Variants in MECR observed in about 807,000 individuals in gnomAD.
The protein encoded by MECR is enoyl-[acyl-carrier-protein] reductase, mitochondrial.
Under a neutral mutation model 49.1 loss-of-function variants are expected in MECR, and 37 were observed. The observed-to-expected ratio is 0.75, with a 90% CI of 0.58 to 0.99. The LOEUF (loss-of-function observed/expected upper bound fraction) is 0.99. Among genes scored for constraint, MECR ranks in the 50% least tolerant of loss-of-function variants. MECR has a pLI of 0.00. For synonymous variants in MECR, 198 were observed against 191.1 expected (o/e 1.04, Z -0.30); for missense variants, 470 against 479.6 (o/e 0.98, Z 0.19).
chr1:29,228,714 C>T (rs1031116886), intron 1 of MECR, among the ~76,000 whole-genome samples: 1 of 152,028 alleles, frequency 6.6e-6, no homozygotes, highest in Non-Finnish European at 1.5e-5. Context: ...GCAAACAGAC[C>T]GGTCTGTTCC....
chr1:29,218,849 A>G (rs1459851532), intron 1 of MECR, among the ~76,000 whole-genome samples: 1 of 152,212 alleles, frequency 6.6e-6, no homozygotes, highest in African/African-American at 2.4e-5. Flanking sequence ...AGTGCTTACC[A>G]GTCAGGCACA....
the MECR span, among the ~76,000 whole-genome samples, chr1:29,176,390 G>A: frequency 6.6e-6 from 1 of 152,024 alleles, no homozygotes; most frequent in Non-Finnish European, 1.5e-5. Context: ...CTGCCACTTG[G>A]TGGTGGGTGA....
chr1:29,179,850 A>G, the MECR span, among the ~76,000 whole-genome samples: 2 of 152,162 alleles, frequency 1.3e-5, no homozygotes, highest in Non-Finnish European at 2.9e-5. Flanking sequence ...TCCTCCCCCA[A>G]TTCATTTAGC....
intron 4 of MECR, among the ~76,000 whole-genome samples, chr1:29,203,819 C>G (rs1408866929): frequency 1.3e-5 from 2 of 152,244 alleles, no homozygotes; most frequent in African/African-American, 4.8e-5. Flanking sequence ...CCCTATTCCT[C>G]TCTGCAGTGT....
Position 29,196,183 on chromosome 1 carries a change from C to T in MECR, c.891+15G>A. 6.2e-7 allele frequency: 1 copy of T among 1,614,180 alleles called. No individual in the cohort carries two copies. The highest frequency in any genetic ancestry group is 8.5e-7 in the Non-Finnish European group (1 of 1,180,016). ...GGCCCGGCTCCAGGCATGCCTCCCT[C>T]TGCACCCAGCTTACCACAGAGGCTA... On this transcript the variant is annotated intron_variant, in intron 8 of 9. Transcript: ENST00000263702.
At chr1:29,186,709 A>G in the MECR span, among the ~76,000 whole-genome samples, 1 of 152,200 alleles carries the variant, frequency 6.6e-6, no homozygotes, top group Non-Finnish European at 1.5e-5. Flanking sequence ...TTGACATGTC[A>G]AGAACAAAAT....
At chr1:29,178,762 T>C in the MECR span, among the ~76,000 whole-genome samples, 10 of 152,366 alleles carry the variant, frequency 6.6e-5, no homozygotes, top group South Asian at 1.7e-3. Context: ...AGCTAAGTTA[T>C]GCTTTTTCTT....
At chr1:29,197,643 T>C (rs1332557189) in intron 7 of MECR, among the ~76,000 whole-genome samples, 2 of 152,204 alleles carry the variant, frequency 1.3e-5, no homozygotes, top group Admixed American at 6.5e-5. Flanking sequence ...GCTGCTGTCC[T>C]AGGGCAGGTA....
intron 1 of MECR, chr1:29,230,239 G>A (rs1431531879): frequency 6.0e-6 from 1 of 166,830 alleles, no homozygotes; most frequent in Non-Finnish European, 1.3e-5. Flanking sequence ...ACTGACACAT[G>A]AAGATCCAAA....
intron 1 of MECR, among the ~76,000 whole-genome samples, chr1:29,227,572 G>C (rs1348752012): frequency 1.3e-5 from 2 of 152,156 alleles, no homozygotes; most frequent in Admixed American, 6.5e-5. Context: ...GCCTCCTTTT[G>C]AGGATTCAGA....
intron 9 of MECR, among the ~76,000 whole-genome samples, chr1:29,195,106 A>T (rs1218748245): frequency 2.6e-5 from 4 of 152,074 alleles, no homozygotes; most frequent in Non-Finnish European, 2.9e-5. Context: ...ACAGAGCGAT[A>T]CCTTGTTTCA....
chr1:29,203,035 C>T (rs928364069), intron 5 of MECR, 96 bp downstream of exon 5: 39 of 987,290 alleles, frequency 4.0e-5, no homozygotes, highest in Non-Finnish European at 1.3e-5. Flanking sequence ...TATGCTTATG[C>T]AAGGGCGCCC....
intron 5 of MECR, 132 bp downstream of exon 5, chr1:29,202,999 A>G: frequency 1.5e-6 from 1 of 650,584 alleles, no homozygotes; most frequent in Admixed American, 3.1e-5. Flanking sequence ...TCAGCCGCCA[A>G]CTGTTAGCGA....
At chr1:29,182,736 G>A in the MECR span, among the ~76,000 whole-genome samples, 2 of 152,184 alleles carry the variant, frequency 1.3e-5, no homozygotes, top group African/African-American at 4.8e-5. Flanking sequence ...GAGAGAGGAA[G>A]TTTCACCATA....
chr1:29,202,761 C>G (rs568916542), intron 5 of MECR, among the ~76,000 whole-genome samples: 2 of 152,262 alleles, frequency 1.3e-5, no homozygotes, highest in Middle Eastern at 3.4e-3. Context: ...GTAAAGGGGC[C>G]TTGGGTTAGA....
the MECR span, among the ~76,000 whole-genome samples, chr1:29,176,517 T>C: frequency 1.3e-5 from 2 of 150,684 alleles, no homozygotes; most frequent in Non-Finnish European, 3.0e-5. Flanking sequence ...AAAAATACTG[T>C]AACAGCTCAT....
rs922967925 is a variant in MECR, at chr1:29,223,304, A to G, written c.177-6619T>C. 37 of 985,262 alleles carry G rather than the reference A, an allele frequency of 3.8e-5. No homozygotes were observed. The African/African-American group carries it at 6.3e-4, about 17-fold the overall frequency. The allele number at this position is 985,262 out of a possible 1,614,324, so 61.0% of individuals were successfully genotyped here. A position where few individuals can be genotyped will look rare whatever the true frequency, so the allele number is the denominator to read the frequency against. ...TACAAGGGAGACAAAAGCAGGCAGA[A>G]GAAAGAGCCTTTTGAGAGGGGGGAA... On this transcript the variant is annotated intron_variant, in intron 1 of 9. Transcript: ENST00000263702.
intron 1 of MECR, among the ~76,000 whole-genome samples, chr1:29,217,251 C>T (rs1332813519): frequency 6.7e-6 from 1 of 149,004 alleles, no homozygotes; most frequent in Non-Finnish European, 1.5e-5. Flanking sequence ...ACTGTGTCAC[C>T]CAGGCTGGAG....
downstream of MECR, among the ~76,000 whole-genome samples, chr1:29,192,408 G>A (rs1428190093): frequency 2.6e-5 from 4 of 152,174 alleles, no homozygotes; most frequent in Non-Finnish European, 5.9e-5. Flanking sequence ...ATCCTTCCTT[G>A]ATGCCCTCGG....
Sources: gnomAD v4.1 joint callset for allele counts (sites outside exome capture counted in the v4.1 genomes callset) on GRCh38, gnomAD v4.1.1 for gene constraint, MANE v1.5 for transcripts, NCBI Gene and HGNC (gene_info 2026-07-23, HGNC 2026-07-21) for gene names.